The following PCNT variants were observed in gnomAD, a reference collection of about 807,000 sequenced individuals.
PCNT encodes the protein pericentrin.
Under a neutral mutation model 380.4 loss-of-function variants are expected in PCNT, and 319 were observed. That is an observed-to-expected ratio of 0.84 (90% CI 0.77 to 0.92). The LOEUF (loss-of-function observed/expected upper bound fraction) is 0.92. Ranked by LOEUF, PCNT falls within the 40% of genes least tolerant of loss-of-function variation. The probability of loss-of-function intolerance (pLI) is 0.00; values close to 1 mark genes in which losing one functional copy is unlikely to be tolerated. For synonymous variants in PCNT, 1,845 were observed against 1,735.2 expected (o/e 1.06, Z -1.57); for missense variants, 4,400 against 4,255.3 (o/e 1.03, Z -0.95).
intron 27 of PCNT, among the ~76,000 whole-genome samples, chr21:46,407,575 C>A (rs1200411681): frequency 1.3e-5 from 2 of 152,056 alleles, no homozygotes; most frequent in East Asian, 3.9e-4. Flanking sequence ...GATCTCCTGA[C>A]CTCGTGATCC....
At chr21:46,362,703 G>GGAGGCT (rs1186409892) in intron 13 of PCNT, among the ~76,000 whole-genome samples, 2 of 151,974 alleles carry the variant, frequency 1.3e-5, no homozygotes, top group African/African-American at 4.8e-5. Context: ...CAGCACTTTG[G>GGAGGCT]GAGGCTGAGG....
chr21:46,352,038 C>T (rs2084292914), intron 9 of PCNT, among the ~76,000 whole-genome samples: 1 of 152,246 alleles, frequency 6.6e-6, no homozygotes, highest in Admixed American at 6.5e-5. Context: ...CCCAGGCCCC[C>T]CATTCCGTGT....
chr21:46,430,874 C>T (rs2087729415), intron 37 of PCNT: 1 of 985,300 alleles, frequency 1.0e-6, no homozygotes. Context: ...CCCGTGGTGG[C>T]ACGATACCCC....
At chr21:46,371,638 G>A (rs2085130276) in intron 15 of PCNT, among the ~76,000 whole-genome samples, 1 of 152,220 alleles carries the variant, frequency 6.6e-6, no homozygotes, top group South Asian at 2.1e-4. Context: ...CCTGGCTGAG[G>A]TCCCCTGCCA....
chr21:46,339,657 G>A (rs1473572495), intron 3 of PCNT, among the ~76,000 whole-genome samples: 1 of 152,156 alleles, frequency 6.6e-6, no homozygotes, highest in Non-Finnish European at 1.5e-5. Context: ...TGGCCACACT[G>A]GCAGCTGATT....
intron 15 of PCNT, among the ~76,000 whole-genome samples, chr21:46,377,325 G>A (rs2085361121): frequency 6.6e-6 from 1 of 152,248 alleles, no homozygotes; most frequent in African/African-American, 2.4e-5. Context: ...TCCCACTGCT[G>A]AGGACATGGG....
Position 46,440,577 on chromosome 21 carries a change from C to T in PCNT, c.9394-278C>T, listed in dbSNP as rs185399960. The stretch of plus-strand genomic sequence containing the variant: ...CATCTCATGCCCAGTTTGGACCTTA[C>T]CTAAGGGGTGAAATGCAAGAAGCTT... On this transcript the variant is annotated intron_variant, in intron 42 of 46. Transcript: ENST00000359568. 1.6e-3 allele frequency among the ~76,000 whole-genome samples: 238 copies of T among 152,282 alleles called. 2 individuals are homozygous for T. Among genetic ancestry groups the T allele is most frequent in the Non-Finnish European group, 3.7e-4 (25 of 68,030 alleles).
chr21:46,347,103 C>G, intron 5 of PCNT, 105 bp downstream of exon 5: 1 of 1,355,018 alleles, frequency 7.4e-7, no homozygotes, highest in Admixed American at 2.3e-5. Context: ...AGCACCGTCT[C>G]CCCATCTCTG....
At chr21:46,371,368 C>A (rs1201258466) in intron 15 of PCNT, among the ~76,000 whole-genome samples, 1 of 151,998 alleles carries the variant, frequency 6.6e-6, no homozygotes, top group Non-Finnish European at 1.5e-5. Context: ...GGCCACCACG[C>A]CTCGCTAATT....
Position 46,391,421 on chromosome 21 carries a change from G to C in PCNT, c.4216+45G>C, listed in dbSNP as rs746168948. ...GAGGGTGGTGCGAGCTGTGGGGCGCGGATACAGCTGCCACGGTTTCCCCAG... is the reference window on the plus strand; with the variant it reads ...GAGGGTGGTGCGAGCTGTGGGGCGCCGATACAGCTGCCACGGTTTCCCCAG... On this transcript the variant is annotated intron_variant, in intron 21 of 46. Coordinates refer to ENST00000359568, the MANE Select transcript of PCNT (RefSeq NM_006031.6). The C allele has an allele frequency of 6.9e-6, 10 of 1,456,160 alleles. No homozygotes were observed. In the African/African-American group the frequency reaches 1.3e-4, roughly 18 times the overall value. The allele number at this position is 1,456,160 out of a possible 1,614,324, so 90.2% of individuals were successfully genotyped here.
In PCNT at chr21:46,388,188, C is replaced by T. The variant is rs1016167199; in HGVS notation, c.3465-554C>T. On this transcript the variant is annotated intron_variant, in intron 17 of 46. Coordinates refer to ENST00000359568, the MANE Select transcript of PCNT (RefSeq NM_006031.6). The surrounding 1 kb of genome is among the most constrained non-coding windows in gnomAD (Gnocchi z 4.2). ...TCGTGCCACTGCACTCCAGCCTGGG[C>T]GACAGAGCGAGACTCCATCTCAAAA... 2.7e-5 allele frequency among the ~76,000 whole-genome samples: 4 copies of T among 150,564 alleles called. No homozygotes were observed. Among genetic ancestry groups the T allele is most frequent in the Admixed American group, 6.6e-5 (1 of 15,140 alleles).
At position 46,388,699 on chromosome 21, in the gene PCNT, T is replaced by C. The variant is rs534513845; in HGVS notation, c.3465-43T>C. 4 of 1,611,362 alleles carry C rather than the reference T, an allele frequency of 2.5e-6. No homozygotes were observed. The highest frequency in any genetic ancestry group is 2.2e-5 in the South Asian group (2 of 91,056). ...GCAGCATCCAGGGTGGGGGTTCTTATGCCGTGACCAGCTTGCCTGATGATG... is the reference window on the plus strand; with the variant it reads ...GCAGCATCCAGGGTGGGGGTTCTTACGCCGTGACCAGCTTGCCTGATGATG... On this transcript the variant is annotated intron_variant, in intron 17 of 46. Coordinates refer to ENST00000359568, the MANE Select transcript of PCNT (RefSeq NM_006031.6). This position sits in a 1 kb window ranked among gnomAD's most constrained non-coding sequence, Gnocchi z 4.2.
At chr21:46,336,742 G>A (rs1284272053) in intron 3 of PCNT, among the ~76,000 whole-genome samples, 1 of 152,172 alleles carries the variant, frequency 6.6e-6, no homozygotes, top group Non-Finnish European at 1.5e-5. Flanking sequence ...ACAGAGTGAG[G>A]AAGGGTGTGC....
At chr21:46,354,110 T>C (rs919403791) in intron 11 of PCNT, 42 bp downstream of exon 11, 1 of 1,530,948 alleles carries the variant, frequency 6.5e-7, no homozygotes, top group African/African-American at 1.4e-5. Context: ...TCCTGTGCTC[T>C]TGACCTTCCA....
At chr21:46,334,936 G>A (rs957262888) in intron 3 of PCNT, among the ~76,000 whole-genome samples, 168 bp downstream of exon 3, 4 of 152,214 alleles carry the variant, frequency 2.6e-5, no homozygotes, top group South Asian at 2.1e-4. Context: ...TAGGCCCCAC[G>A]TGCTGCCGCC....
At chr21:46,325,763 C>G (rs529535786) in intron 1 of PCNT, among the ~76,000 whole-genome samples, 1 of 152,274 alleles carries the variant, frequency 6.6e-6, no homozygotes, top group South Asian at 2.1e-4. Flanking sequence ...TAGTCTCAAA[C>G]TCTCGGATTT....
chr21:46,355,528 G>C lies in PCNT; in HGVS notation c.1838G>C (p.Cys613Ser). The change falls in exon 12 of 47, where the codon TGC becomes TCC. Residue 613 changes from cysteine to serine, a missense_variant. Cys to Ser is a moderately radical substitution (Grantham distance 112). Coordinates refer to ENST00000359568, the MANE Select transcript of PCNT (RefSeq NM_006031.6). ...CTGGAAGCGCTGGAGTCTCCCCTCT[G>C]CATCCAGCACGAGGGGCATGTCTCA... is the stretch of plus-strand genomic sequence containing the variant. ...HQLEALESPLCIQHEGHVSDR... is the reference protein window; with the variant it reads ...HQLEALESPLSIQHEGHVSDR... 3 of 1,613,882 alleles carry C rather than the reference G, an allele frequency of 1.9e-6. No homozygotes were observed. Among genetic ancestry groups the C allele is most frequent in the Non-Finnish European group, 2.5e-6 (3 of 1,179,830 alleles).
intron 16 of PCNT, among the ~76,000 whole-genome samples, chr21:46,382,535 G>A (rs552088727): frequency 6.9e-6 from 1 of 144,698 alleles, no homozygotes; most frequent in South Asian, 2.4e-4. Flanking sequence ...TCACAGTGTT[G>A]TGCATAGTTC....
At chr21:46,332,243 T>C (rs2146323099) in intron 2 of PCNT, among the ~76,000 whole-genome samples, 1 of 152,340 alleles carries the variant, frequency 6.6e-6, no homozygotes, top group South Asian at 2.1e-4. Flanking sequence ...GAAGAAGATT[T>C]AACTAGTGCT....
Sources: allele counts gnomAD v4.1 joint callset (sites outside exome capture counted in the v4.1 genomes callset), GRCh38; gene constraint gnomAD v4.1.1; non-coding constraint Gnocchi (gnomAD v3.1); transcripts MANE v1.5; gene names NCBI Gene and HGNC (gene_info 2026-07-23, HGNC 2026-07-21).